Variants in MARCKS observed in about 807,000 individuals in gnomAD.
MARCKS encodes the protein myristoylated alanine-rich C-kinase substrate.
MARCKS carries 4 observed loss-of-function variants against 6.3 expected under a neutral mutation model. The ratio of observed to expected loss-of-function variants is 0.63; its 90% CI spans 0.31 to 1.45. The LOEUF is 1.45. MARCKS is among the 40% of genes most tolerant of loss of function. MARCKS has a pLI of 0.07. For missense variants in MARCKS, 636 were observed against 485.7 expected (o/e 1.31, Z -2.91); for synonymous variants, 289 against 236.5 (o/e 1.22, Z -2.04).
At position 113,860,989 on chromosome 6, in the gene MARCKS, GAAGTGATGGGGTCAC is replaced by G. The variant is rs1774892897; in HGVS notation, c.*413_*427del. On this transcript the variant is annotated 3_prime_UTR_variant, in exon 2 of 2. Coordinates refer to ENST00000612661, the MANE Select transcript of MARCKS (RefSeq NM_002356.7). ...GGTGGGTCAAAAAGGGATATCAAAT[GAAGTGATGGGGTCAC>G]AATGGGGAAATTGAAGTGGTGCATA... The G allele has an allele frequency of 2.6e-4, 1 of 3,774 alleles. No homozygotes were observed. The highest frequency in any genetic ancestry group is 3.4e-4 in the African/African-American group (1 of 2,942). 0.2% of individuals were successfully genotyped at this position (3,774 alleles called of 1,614,324 possible).
At position 113,857,787 on chromosome 6, in the gene MARCKS, C is replaced by A; in HGVS notation, c.42C>A (p.Ala14=). The change falls in exon 1 of 2, where the codon GCC becomes GCA. Residue 14 remains alanine (A), a synonymous_variant. Coordinates refer to ENST00000612661, the MANE Select transcript of MARCKS (RefSeq NM_002356.7). ...CCAAGACCGCAGCGAAGGGAGAAGC[C>A]GCCGCGGAGAGGCCTGGGGAGGCGG... ...QFSKTAAKGE[A]AAERPGEAAV... is the part of the protein sequence containing the mutation. 1 of 1,609,528 alleles carries A rather than the reference C, an allele frequency of 6.2e-7. No homozygotes were observed. Among genetic ancestry groups the A allele is most frequent in the Non-Finnish European group, 8.5e-7 (1 of 1,178,286 alleles).
At position 113,860,594 on chromosome 6, in the gene MARCKS, G is replaced by A. The variant is rs1342944074; in HGVS notation, c.*15G>A. The A allele has an allele frequency of 6.5e-6, 10 of 1,529,508 alleles. No homozygotes were observed. Among genetic ancestry groups the A allele is most frequent in the Non-Finnish European group, 6.1e-6 (7 of 1,143,118 alleles). The allele number at this position is 1,529,508 out of a possible 1,614,324, so 94.7% of individuals were successfully genotyped here. A position where few individuals can be genotyped will look rare whatever the true frequency, so the allele number is the denominator to read the frequency against. ...CGGCAGAGTAAAAGAGCAAGCTTTT[G>A]TGAGATAATCGAAGAACTTTTCTCC... On this transcript the variant is annotated 3_prime_UTR_variant, in exon 2 of 2. Coordinates refer to ENST00000612661, the MANE Select transcript of MARCKS (RefSeq NM_002356.7).
Position 113,859,963 on chromosome 6 carries a change from C to T in MARCKS, c.383C>T (p.Ser128Leu). 1 of 1,519,962 alleles carries T rather than the reference C, an allele frequency of 6.6e-7. No individual in the cohort carries two copies. The highest frequency in any genetic ancestry group is 8.8e-7 in the Non-Finnish European group (1 of 1,140,804). 94.2% of individuals were successfully genotyped at this position (1,519,962 alleles called of 1,614,324 possible). The change falls in exon 2 of 2, where the codon TCG becomes TTG. Residue 128 changes from serine (S) to leucine (L), a missense_variant. Physicochemically the swap from Ser to Leu is moderately radical, Grantham distance 145. Coordinates refer to ENST00000612661, the MANE Select transcript of MARCKS (RefSeq NM_002356.7). ...ACGGCCGCGGAGGGAGAGGCCGCGT[C>T]GGCCGCCTCCTCGACTTCTTCGCCC... ...SPTAAEGEAASAASSTSSPKA... is the reference protein window; with the variant it reads ...SPTAAEGEAALAASSTSSPKA...
In MARCKS at chr6:113,859,926, C is replaced by G. The variant is rs763618371; in HGVS notation, c.346C>G (p.Pro116Ala). 4.0e-5 allele frequency: 59 copies of G among 1,468,458 alleles called. No homozygotes were observed. Among genetic ancestry groups the G allele is most frequent in the East Asian group, 1.2e-4 (4 of 33,962 alleles). 91.0% of individuals were successfully genotyped at this position (1,468,458 alleles called of 1,614,324 possible). ...EAPAEGEAAE[P>A]GSPTAAEGEA... ...CCCCGCGGAAGGCGAGGCTGCCGAGCCCGGCTCGCCCACGGCCGCGGAGGG... is the reference window on the plus strand; with the variant it reads ...CCCCGCGGAAGGCGAGGCTGCCGAGGCCGGCTCGCCCACGGCCGCGGAGGG... The change falls in exon 2 of 2, where the codon CCC (proline) becomes GCC (alanine). Residue 116 changes from proline to alanine, a missense_variant. Pro to Ala is a conservative substitution (Grantham distance 27). Coordinates refer to ENST00000612661, the MANE Select transcript of MARCKS (RefSeq NM_002356.7).
chr6:113,857,642 T>G lies in MARCKS; in HGVS notation c.-104T>G. 2.1e-6 allele frequency: 1 copy of G among 470,260 alleles called. No homozygotes were observed. Among genetic ancestry groups the G allele is most frequent in the Non-Finnish European group, 3.7e-6 (1 of 269,322 alleles). 29.1% of individuals were successfully genotyped at this position (470,260 alleles called of 1,614,324 possible). A position where few individuals can be genotyped will look rare whatever the true frequency, so the allele number is the denominator to read the frequency against. ...TCCGGTGTGTGTGCCGCTGCCGCTG[T>G]TGCCGCCGCCGCTGCTGCTGCTGCT... On this transcript the variant is annotated 5_prime_UTR_variant, in exon 1 of 2. Transcript: ENST00000612661.
At position 113,860,016 on chromosome 6, in the gene MARCKS, C is replaced by T; in HGVS notation, c.436C>T (p.Pro146Ser). ...PKAEDGATPS[P>S]SNETPKKKKK... ...GGCCGAGGACGGGGCCACGCCCTCG[C>T]CCAGCAACGAGACCCCGAAAAAAAA... is the stretch of plus-strand genomic sequence containing the variant. Residue 146 changes from proline to serine, a missense_variant, in exon 2 of 2, where the codon CCC becomes TCC. Physicochemically the swap from Pro to Ser is moderately conservative, Grantham distance 74. Coordinates refer to ENST00000612661, the MANE Select transcript of MARCKS (RefSeq NM_002356.7). The T allele has an allele frequency of 3.2e-6, 5 of 1,569,160 alleles. No homozygotes were observed. Among genetic ancestry groups the T allele is most frequent in the Non-Finnish European group, 4.3e-6 (5 of 1,162,492 alleles).
At chr6:113,857,976 T>C in intron 1 of MARCKS, 129 bp downstream of exon 1, 1 of 807,322 alleles carries the variant, frequency 1.2e-6, no homozygotes, top group Non-Finnish European at 2.0e-6. Flanking sequence ...TGGAAATGGA[T>C]AGCCTAAATT....
At chr6:113,858,144 C>T (rs1051217762) in intron 1 of MARCKS, among the ~76,000 whole-genome samples, 1 of 152,142 alleles carries the variant, frequency 6.6e-6, no homozygotes, top group Non-Finnish European at 1.5e-5. Context: ...CCCTCCTTCC[C>T]CCGCCCCCAG....
At position 113,859,946 on chromosome 6, in the gene MARCKS, G is replaced by T; in HGVS notation, c.366G>T (p.Ala122=). 1 of 1,496,282 alleles carries T rather than the reference G, an allele frequency of 6.7e-7. No homozygotes were observed. Among genetic ancestry groups the T allele is most frequent in the South Asian group, 1.2e-5 (1 of 81,964 alleles). 92.7% of individuals were successfully genotyped at this position (1,496,282 alleles called of 1,614,324 possible). ...CCGAGCCCGGCTCGCCCACGGCCGC[G>T]GAGGGAGAGGCCGCGTCGGCCGCCT... The part of the protein sequence containing the change: ...EAAEPGSPTA[A]EGEAASAASS... The change falls in exon 2 of 2, where the codon GCG becomes GCT. Residue 122 remains alanine, a synonymous_variant. Transcript: ENST00000612661.
chr6:113,857,397 T>G lies in MARCKS; in HGVS notation c.-349T>G. 5 of 235,086 alleles carry G rather than the reference T, an allele frequency of 2.1e-5. No individual in the cohort carries two copies. In the South Asian group the frequency reaches 2.4e-4, roughly 11 times the overall value. 14.6% of individuals were successfully genotyped at this position (235,086 alleles called of 1,614,324 possible). On this transcript the variant is annotated 5_prime_UTR_variant, in exon 1 of 2. Transcript: ENST00000612661. The stretch of plus-strand genomic sequence containing the variant: ...ATTAGCAACCAGGGAGATTTCTCCA[T>G]TTTCCTCTTGTCTACAGTGCGGCTA...
Position 113,859,898 on chromosome 6 carries a change from G to A in MARCKS, c.318G>A (p.Glu106=), listed in dbSNP as rs867530756. ...CCGGGGCCAGCCCGGTAGAGAAGGA[G>A]GCCCCCGCGGAAGGCGAGGCTGCCG... ...PEAGASPVEK[E]APAEGEAAEP... Residue 106 remains glutamate (E), a synonymous_variant, in exon 2 of 2, where the codon GAG becomes GAA. Coordinates refer to ENST00000612661, the MANE Select transcript of MARCKS (RefSeq NM_002356.7). The A allele has an allele frequency of 1.0e-5, 15 of 1,443,094 alleles. No individual in the cohort carries two copies. In the African/African-American group the frequency reaches 1.0e-4, roughly 10 times the overall value. The allele number at this position is 1,443,094 out of a possible 1,614,324, so 89.4% of individuals were successfully genotyped here. A position where few individuals can be genotyped will look rare whatever the true frequency, so the allele number is the denominator to read the frequency against.
rs2114518995 is a variant in MARCKS, at chr6:113,857,498, C to G, written c.-248C>G. 1 of 460,392 alleles carries G rather than the reference C, an allele frequency of 2.2e-6. No homozygotes were observed. The highest frequency in any genetic ancestry group is 4.3e-5 in the East Asian group (1 of 23,380). 28.5% of individuals were successfully genotyped at this position (460,392 alleles called of 1,614,324 possible). A position where few individuals can be genotyped will look rare whatever the true frequency, so the allele number is the denominator to read the frequency against. ...CTCCTTTTTTTGTGCTCGACTTTTC[C>G]ACCCTTTTTCCCTCCCTCCTGTGCT... On this transcript the variant is annotated 5_prime_UTR_variant, in exon 1 of 2. Coordinates refer to ENST00000612661, the MANE Select transcript of MARCKS (RefSeq NM_002356.7).
rs1475980626 is a variant in MARCKS at position 113,859,718 on chromosome 6, G to A, written c.138G>A (p.Ser46=). The A allele has an allele frequency of 3.3e-6, 5 of 1,503,364 alleles. No individual in the cohort carries two copies. In the South Asian group the frequency reaches 5.0e-5, roughly 15 times the overall value. The allele number at this position is 1,503,364 out of a possible 1,614,324, so 93.1% of individuals were successfully genotyped here. A position where few individuals can be genotyped will look rare whatever the true frequency, so the allele number is the denominator to read the frequency against. ...NGHVKVNGDA[S]PAAAESGAKE... is the part of the protein sequence containing the mutation. ...ACGTGAAGGTAAACGGCGACGCTTCGCCCGCGGCCGCCGAGTCGGGCGCCA... is the reference window on the plus strand; with the variant it reads ...ACGTGAAGGTAAACGGCGACGCTTCACCCGCGGCCGCCGAGTCGGGCGCCA... Residue 46 remains serine, a synonymous_variant, in exon 2 of 2, where the codon TCG becomes TCA. Coordinates refer to ENST00000612661, the MANE Select transcript of MARCKS (RefSeq NM_002356.7).
Position 113,857,661 on chromosome 6 carries a change from TGC to T in MARCKS, c.-84_-83del. ...CCGCTGTTGCCGCCGCCGCTGCTGC[TGC>T]TGCTCGCCCCGTCGTTACACCAACC... On this transcript the variant is annotated 5_prime_UTR_variant, in exon 1 of 2. Transcript: ENST00000612661. The T allele has an allele frequency of 1.3e-6, 1 of 774,272 alleles. No homozygotes were observed. The highest frequency in any genetic ancestry group is 1.9e-6 in the Non-Finnish European group (1 of 535,480). The allele number at this position is 774,272 out of a possible 1,614,324, so 48.0% of individuals were successfully genotyped here. A position where few individuals can be genotyped will look rare whatever the true frequency, so the allele number is the denominator to read the frequency against.
chr6:113,859,808 G>A lies in MARCKS; in HGVS notation c.228G>A (p.Gly76=), dbSNP rs1215588448. 9.6e-6 allele frequency: 13 copies of A among 1,352,288 alleles called. No individual in the cohort carries two copies. Among genetic ancestry groups the A allele is most frequent in the Non-Finnish European group, 1.2e-5 (13 of 1,055,782 alleles). 83.8% of individuals were successfully genotyped at this position (1,352,288 alleles called of 1,614,324 possible). The change falls in exon 2 of 2, where the codon GGG becomes GGA. Residue 76 remains glycine (G), a synonymous_variant. Transcript: ENST00000612661. ...ACAAGGAGGAGCCCGCGGCCGCCGG[G>A]AGCGGGGCGGCGTCGCCCTCCGCGG... ...AADKEEPAAA[G]SGAASPSAAE... is the part of the protein sequence containing the mutation.
At chr6:113,859,070 C>T (rs1774834066) in intron 1 of MARCKS, among the ~76,000 whole-genome samples, 1 of 152,074 alleles carries the variant, frequency 6.6e-6, no homozygotes, top group Admixed American at 6.5e-5. Flanking sequence ...CCCCTCCTCG[C>T]CTGCCTGCGC....
At chr6:113,859,550 C>G in intron 1 of MARCKS, 133 bp from the exon 2 acceptor site, 1 of 765,998 alleles carries the variant, frequency 1.3e-6, no homozygotes. Flanking sequence ...TCCCTCCCCA[C>G]AACGGCGGGG....
Position 113,860,481 on chromosome 6 carries a change from C to G in MARCKS, c.901C>G (p.Pro301Ala). Reference sequence around the variant, plus strand: ...GCAGGAGGCAGCCCCCGCGGAGGAGCCCGCGGCCGCCGCAGCCTCGTCAGC... The same window carrying G: ...GCAGGAGGCAGCCCCCGCGGAGGAGGCCGCGGCCGCCGCAGCCTCGTCAGC... ...PEQEAAPAEEPAAAAASSACA... is the reference protein window; with the variant it reads ...PEQEAAPAEEAAAAAASSACA... The change falls in exon 2 of 2, where the codon CCC (proline) becomes GCC (alanine). Residue 301 changes from proline (P) to alanine (A), a missense_variant. By Grantham distance (27) the Pro-to-Ala change is conservative (BLOSUM62 -1). Transcript: ENST00000612661. The G allele has an allele frequency of 2.0e-6, 3 of 1,483,476 alleles. No individual in the cohort carries two copies. The highest frequency in any genetic ancestry group is 2.7e-6 in the Non-Finnish European group (3 of 1,112,566). The allele number at this position is 1,483,476 out of a possible 1,614,324, so 91.9% of individuals were successfully genotyped here.
rs1774801156 is a variant in MARCKS, at chr6:113,857,402, C to T, written c.-344C>T. On this transcript the variant is annotated 5_prime_UTR_variant, in exon 1 of 2. Transcript: ENST00000612661. ...CAACCAGGGAGATTTCTCCATTTTC[C>T]TCTTGTCTACAGTGCGGCTACAAAT... The T allele has an allele frequency of 8.2e-6, 2 of 242,712 alleles. No individual in the cohort carries two copies. The allele number at this position is 242,712 out of a possible 1,614,324, so 15.0% of individuals were successfully genotyped here.
Sources: gnomAD v4.1 joint callset for allele counts (sites outside exome capture counted in the v4.1 genomes callset) on GRCh38, gnomAD v4.1.1 for gene constraint, MANE v1.5 for transcripts, NCBI Gene and HGNC (gene_info 2026-07-23, HGNC 2026-07-21) for gene names.